TIMMDC1: variants seen among roughly 807,000 people sequenced by gnomAD.
TIMMDC1 encodes the protein translocase of inner mitochondrial membrane domain containing 1.
Under a neutral mutation model 32.6 loss-of-function variants are expected in TIMMDC1, and 25 were observed. That is an observed-to-expected ratio of 0.77 (90% confidence interval 0.56 to 1.07). The LOEUF (loss-of-function observed/expected upper bound fraction) is 1.07, where lower values mean the gene tolerates loss of function less well. Among genes scored for constraint, TIMMDC1 ranks in the 50% least tolerant of loss-of-function variants. TIMMDC1 has a pLI of 0.00. For synonymous variants in TIMMDC1, 130 were observed against 127.6 expected (o/e 1.02, Z -0.13); for missense variants, 329 against 349.2 (o/e 0.94, Z 0.46).
intron 2 of TIMMDC1, 49 bp downstream of exon 2, chr3:119,500,909 TCACTTTA>T (rs1560044807): frequency 6.4e-7 from 1 of 1,565,510 alleles, no homozygotes. Context: ...ACTTAGTAAT[TCACTTTA>T]CACTTAATCA....
rs1449760136 is a variant in TIMMDC1 at position 119,505,071 on chromosome 3, T to C, written c.517+1050T>C. Among the ~76,000 whole-genome samples, 10 of 139,658 alleles carry C rather than the reference T, an allele frequency of 7.2e-5. No homozygotes were observed. In the Admixed American group the frequency reaches 7.2e-4, roughly 10 times the overall value. 91.6% of individuals were successfully genotyped at this position (139,658 alleles called of 152,430 possible). On this transcript the variant is annotated intron_variant, in intron 4 of 6. Coordinates refer to ENST00000494664, the MANE Select transcript of TIMMDC1 (RefSeq NM_016589.4). ...CCAACCTGGGCAACAAGAGTGAAAC[T>C]CTTGTCTCAAAAAAAAAAAAAAAAA...
intron 2 of TIMMDC1, among the ~76,000 whole-genome samples, chr3:119,502,110 C>A (rs2081880678): frequency 1.3e-5 from 2 of 152,050 alleles, no homozygotes; most frequent in Admixed American, 1.3e-4. Flanking sequence ...TGTAAATATC[C>A]TGCTTTTCAT....
chr3:119,522,098 A>G (rs1017322051), intron 6 of TIMMDC1, among the ~76,000 whole-genome samples: 3 of 152,212 alleles, frequency 2.0e-5, no homozygotes, highest in African/African-American at 7.2e-5. Context: ...TCAAAGAGTT[A>G]TCTGCGCCCC....
chr3:119,509,051 C>T (rs1035637352), intron 4 of TIMMDC1, among the ~76,000 whole-genome samples: 4 of 152,006 alleles, frequency 2.6e-5, no homozygotes, highest in East Asian at 1.9e-4. Context: ...ACTAAAAATA[C>T]GAAAATTAGC....
At chr3:119,510,147 A>G (rs2081944111) in intron 4 of TIMMDC1, among the ~76,000 whole-genome samples, 2 of 152,198 alleles carry the variant, frequency 1.3e-5, no homozygotes, top group Admixed American at 1.3e-4. Flanking sequence ...TGTAGGTAAT[A>G]TTTTAAAAGA....
intron 2 of TIMMDC1, among the ~76,000 whole-genome samples, chr3:119,501,770 TA>T (rs1455612872): frequency 1.3e-5 from 2 of 152,234 alleles, no homozygotes; most frequent in African/African-American, 2.4e-5. Context: ...ATTTGCCTGT[TA>T]TGCTGCTTTG....
At chr3:119,500,538 C>T in intron 1 of TIMMDC1, 157 bp from the exon 2 acceptor site, 2 of 623,396 alleles carry the variant, frequency 3.2e-6, no homozygotes, top group Non-Finnish European at 5.3e-6. Flanking sequence ...GACTACGTTC[C>T]TTTTAATATA....
chr3:119,509,516 C>T (rs1030222663), intron 4 of TIMMDC1, among the ~76,000 whole-genome samples: 3 of 152,024 alleles, frequency 2.0e-5, no homozygotes, highest in Non-Finnish European at 4.4e-5. Flanking sequence ...TAATTCTATT[C>T]ATATGAAATG....
At chr3:119,504,141 T>G in intron 4 of TIMMDC1, 120 bp downstream of exon 4, 1 of 715,044 alleles carries the variant, frequency 1.4e-6, no homozygotes, top group Non-Finnish European at 2.4e-6. Context: ...CTCATCAACA[T>G]TGATGCAAAA....
chr3:119,521,723 T>TG (rs781593058), intron 6 of TIMMDC1, among the ~76,000 whole-genome samples: 8 of 148,170 alleles, frequency 5.4e-5, no homozygotes, highest in Non-Finnish European at 1.2e-4. Flanking sequence ...CGGGGGAGCT[T>TG]GGGGGGAAAC....
At chr3:119,501,006 A>T (rs2081870722) in intron 2 of TIMMDC1, 146 bp downstream of exon 2, 2 of 744,748 alleles carry the variant, frequency 2.7e-6, no homozygotes, top group Admixed American at 6.5e-5. Context: ...TAACAGTGGA[A>T]GTACTAATGT....
At chr3:119,508,192 G>C (rs1454388717) in intron 4 of TIMMDC1, among the ~76,000 whole-genome samples, 1 of 152,186 alleles carries the variant, frequency 6.6e-6, no homozygotes, top group Non-Finnish European at 1.5e-5. Context: ...TAGAGCTCCT[G>C]GAGTGTGGGG....
At position 119,524,519 on chromosome 3, in the gene TIMMDC1, A is replaced by T. The variant is rs1262558030; in HGVS notation, c.*763A>T. On this transcript the variant is annotated 3_prime_UTR_variant, in exon 7 of 7. Coordinates refer to ENST00000494664, the MANE Select transcript of TIMMDC1 (RefSeq NM_016589.4). ...CCCTACACTGAGAATATAGTTTTAC[A>T]CAGGAGCAAGGTTTGTGAAGCAGCA... The T allele has an allele frequency of 6.6e-6, 1 of 152,242 alleles. No homozygotes were observed. Among genetic ancestry groups the T allele is most frequent in the Admixed American group, 6.5e-5 (1 of 15,278 alleles). 9.4% of individuals were successfully genotyped at this position (152,242 alleles called of 1,614,324 possible).
At position 119,498,685 on chromosome 3, in the gene TIMMDC1, G is replaced by A. The variant is rs964685977; in HGVS notation, c.-49G>A. The A allele has an allele frequency of 1.8e-5, 28 of 1,573,948 alleles. No individual in the cohort carries two copies. The highest frequency in any genetic ancestry group is 2.4e-5 in the Non-Finnish European group (28 of 1,147,726). On this transcript the variant is annotated 5_prime_UTR_variant, in exon 1 of 7. Transcript: ENST00000494664. ...CGCTCTCCCGCGGCACGTCCGCGAG[G>A]ACTTGAAGTCCTGAGCGCTCAAGTT... is the stretch of plus-strand genomic sequence containing the variant.
intron 5 of TIMMDC1, 98 bp downstream of exon 5, chr3:119,513,817 C>CCTG: frequency 1.3e-6 from 1 of 754,160 alleles, no homozygotes; most frequent in Non-Finnish European, 2.1e-6. Context: ...AAATTTAATC[C>CCTG]TTAGAATCTA....
intron 4 of TIMMDC1, among the ~76,000 whole-genome samples, chr3:119,505,555 A>G (rs1273560816): frequency 2.0e-5 from 3 of 152,066 alleles, no homozygotes; most frequent in African/African-American, 7.2e-5. Flanking sequence ...TTAGCAGAGA[A>G]GGGGTTTCTC....
intron 5 of TIMMDC1, among the ~76,000 whole-genome samples, chr3:119,515,992 G>A (rs72952950): frequency 0.11 from 16,122 of 152,158 alleles, 2,091 homozygotes; most frequent in African/African-American, 0.31. Context: ...AATAAAATCA[G>A]CATGTCATAA....
intron 4 of TIMMDC1, among the ~76,000 whole-genome samples, chr3:119,510,421 C>A (rs1227796511): frequency 1.3e-5 from 2 of 151,894 alleles, no homozygotes; most frequent in African/African-American, 4.8e-5. Context: ...AAATTACAGG[C>A]TTTTTTAAAA....
At chr3:119,516,512 T>A (rs2107733796) in intron 5 of TIMMDC1, among the ~76,000 whole-genome samples, 1 of 152,376 alleles carries the variant, frequency 6.6e-6, no homozygotes, top group South Asian at 2.1e-4. Flanking sequence ...ACATTTATGT[T>A]GCTTCCACTT....
Sources: allele counts gnomAD v4.1 joint callset (sites outside exome capture counted in the v4.1 genomes callset), GRCh38; gene constraint gnomAD v4.1.1; transcripts MANE v1.5; gene names NCBI Gene and HGNC (gene_info 2026-07-23, HGNC 2026-07-21).